Variants in DLG2 observed in about 807,000 individuals in gnomAD.
DLG2 encodes discs large MAGUK scaffold protein 2.
Under a neutral mutation model 132.5 loss-of-function variants are expected in DLG2, and 45 were observed. That is an observed-to-expected ratio of 0.34 (90% CI 0.27 to 0.44). The LOEUF is 0.44. DLG2 is among the 20% of genes least tolerant of loss of function. The pLI, the probability that DLG2 is intolerant of heterozygous loss-of-function variation, is 1.00. For synonymous variants in DLG2, 424 were observed against 419.6 expected, an observed-to-expected ratio of 1.01 and a Z score of -0.13; for missense variants, 1,045 against 1,196.9, an observed-to-expected ratio of 0.87 and a Z score of 1.87.
At chr11:83,539,683 A>G (rs2096003819) in intron 20 of DLG2, among the ~76,000 whole-genome samples, 1 of 151,588 alleles carries the variant, frequency 6.6e-6, no homozygotes, top group African/African-American at 2.4e-5. Context: ...AGGTGGAGCT[A>G]CTGCACCCTT....
intron 3 of DLG2, among the ~76,000 whole-genome samples, chr11:85,364,359 G>T (rs1322806222): frequency 2.0e-5 from 3 of 152,128 alleles, no homozygotes; most frequent in Non-Finnish European, 2.9e-5. Context: ...GAGTACCAGG[G>T]AATCAAGAGA....
chr11:83,495,719 C>G (rs954231260), intron 21 of DLG2, among the ~76,000 whole-genome samples: 1 of 152,164 alleles, frequency 6.6e-6, no homozygotes, highest in Non-Finnish European at 1.5e-5. Flanking sequence ...AGTCCAACCT[C>G]TCACTCATGC....
chr11:85,319,020 A>C (rs1358308606), intron 3 of DLG2, among the ~76,000 whole-genome samples: 1 of 151,902 alleles, frequency 6.6e-6, no homozygotes, highest in Non-Finnish European at 1.5e-5. Flanking sequence ...TAAAACAAGA[A>C]CATCTCACAA....
At chr11:83,867,116 C>G (rs1009838325) in intron 16 of DLG2, among the ~76,000 whole-genome samples, 2 of 152,150 alleles carry the variant, frequency 1.3e-5, no homozygotes, top group Non-Finnish European at 2.9e-5. Context: ...ATATTGAGCT[C>G]TACTTTGTAT....
chr11:84,502,203 C>CT (rs1567803075), intron 7 of DLG2, among the ~76,000 whole-genome samples: 1 of 6,762 alleles, frequency 1.5e-4, no homozygotes, highest in East Asian at 2.2e-3. Context: ...TCTCTCTCTC[C>CT]TTCCTTCCTT....
chr11:83,892,598 T>C (rs765354889), intron 15 of DLG2, among the ~76,000 whole-genome samples: 6 of 152,070 alleles, frequency 3.9e-5, no homozygotes, highest in Non-Finnish European at 8.8e-5. Flanking sequence ...TACAACTTTG[T>C]GAGGATGCAA....
chr11:84,939,103 C>T (rs1252448955), intron 6 of DLG2, among the ~76,000 whole-genome samples: 1 of 151,886 alleles, frequency 6.6e-6, no homozygotes, highest in Non-Finnish European at 1.5e-5. Context: ...ATTAAAAATA[C>T]AAAATTACAT....
chr11:84,115,736 C>T lies in DLG2; in HGVS notation c.625-16689G>A, dbSNP rs148561733. ...AGCCTGCCCTGATAGCAACAAACTA[C>T]TCTTCTCATTACCACCTTTGGTCAC... is the stretch of plus-strand genomic sequence containing the variant. On this transcript the variant is annotated intron_variant, in intron 9 of 27. Coordinates refer to ENST00000376104, the MANE Select transcript of DLG2 (RefSeq NM_001142699.3). Among the ~76,000 whole-genome samples the T allele has an allele frequency of 3.5e-4, 53 of 152,340 alleles. No individual in the cohort carries two copies. The East Asian group carries it at 9.8e-3, about 28-fold the overall frequency.
chr11:85,620,746 G>A (rs1321804642), intron 2 of DLG2, among the ~76,000 whole-genome samples: 1 of 152,226 alleles, frequency 6.6e-6, no homozygotes, highest in Non-Finnish European at 1.5e-5. Flanking sequence ...GGAAGCCACA[G>A]AAGAAAGCTG....
chr11:84,662,646 G>T (rs1369697492), intron 6 of DLG2, among the ~76,000 whole-genome samples: 1 of 151,874 alleles, frequency 6.6e-6, no homozygotes, highest in African/African-American at 2.4e-5. Flanking sequence ...AATCAGTCAG[G>T]CATGGTGGCA....
intron 6 of DLG2, among the ~76,000 whole-genome samples, chr11:84,958,301 G>C (rs1180086531): frequency 6.6e-6 from 1 of 152,162 alleles, no homozygotes; most frequent in East Asian, 1.9e-4. Context: ...TACGGAGAAA[G>C]AGTAGTTGGA....
At chr11:85,162,595 C>G (rs1273002852) in intron 4 of DLG2, among the ~76,000 whole-genome samples, 32 of 152,074 alleles carry the variant, frequency 2.1e-4, no homozygotes, top group Admixed American at 2.1e-3. Flanking sequence ...ATTTTATTTC[C>G]TTTTTCCTTT....
intron 17 of DLG2, among the ~76,000 whole-genome samples, chr11:83,807,254 C>T (rs1461732237): frequency 6.6e-6 from 1 of 152,202 alleles, no homozygotes; most frequent in Non-Finnish European, 1.5e-5. Context: ...GAATCTTTCA[C>T]TATCAGTCCC....
chr11:84,404,035 A>G (rs1601536111), intron 7 of DLG2, among the ~76,000 whole-genome samples: 1 of 152,124 alleles, frequency 6.6e-6, no homozygotes, highest in East Asian at 1.9e-4. Flanking sequence ...TACTTTTGCC[A>G]TACTCCAATC....
intron 6 of DLG2, among the ~76,000 whole-genome samples, chr11:84,747,347 T>G (rs941927219): frequency 6.6e-6 from 1 of 152,134 alleles, no homozygotes; most frequent in African/African-American, 2.4e-5. Context: ...CAGATTGAAA[T>G]TACAGTAAAA....
chr11:84,032,000 C>T (rs2095709510), intron 11 of DLG2, among the ~76,000 whole-genome samples: 1 of 151,884 alleles, frequency 6.6e-6, no homozygotes, highest in South Asian at 2.1e-4. Flanking sequence ...CAGAATATGC[C>T]CATATAAGAT....
At chr11:83,718,437 T>C (rs1444852573) in intron 18 of DLG2, among the ~76,000 whole-genome samples, 2 of 149,874 alleles carry the variant, frequency 1.3e-5, no homozygotes, top group African/African-American at 4.9e-5. Flanking sequence ...GGCAGGAGAA[T>C]TGCTTGAACC....
At chr11:85,276,631 A>T (rs555765327) in intron 4 of DLG2, among the ~76,000 whole-genome samples, 28 of 152,256 alleles carry the variant, frequency 1.8e-4, no homozygotes, top group Middle Eastern at 6.8e-3. Flanking sequence ...TGTTTTTAAA[A>T]CTATCTTCAG....
At chr11:83,561,928 C>T (rs2096618263) in intron 19 of DLG2, among the ~76,000 whole-genome samples, 1 of 122,830 alleles carries the variant, frequency 8.1e-6, no homozygotes, top group Admixed American at 9.4e-5. Flanking sequence ...CTTGCTCTGT[C>T]ACCAGGCTGG....
Sources: gnomAD v4.1 joint callset for allele counts (sites outside exome capture counted in the v4.1 genomes callset) on GRCh38, gnomAD v4.1.1 for gene constraint, MANE v1.5 for transcripts, NCBI Gene and HGNC (gene_info 2026-07-23, HGNC 2026-07-21) for gene names.